Variants in CFAP20DC observed in about 807,000 individuals in gnomAD.
CFAP20DC encodes the protein protein CFAP20DC.
In CFAP20DC, 84 loss-of-function variants were observed where a neutral mutation model predicts 101.7. That is an observed-to-expected ratio of 0.83 (90% CI 0.69 to 0.99). The LOEUF is 0.99. CFAP20DC is among the 50% of genes least tolerant of loss of function. CFAP20DC has a pLI of 0.00. For missense variants in CFAP20DC, 1,007 were observed against 970.3 expected, an observed-to-expected ratio of 1.04 and a Z score of -0.50; for synonymous variants, 359 against 351.2, an observed-to-expected ratio of 1.02 and a Z score of -0.25.
intron 14 of CFAP20DC, among the ~76,000 whole-genome samples, chr3:58,813,052 T>A (rs879159569): frequency 6.6e-6 from 1 of 151,894 alleles, no homozygotes; most frequent in Admixed American, 6.6e-5. Flanking sequence ...TGTGTAAATA[T>A]AATTTCTATT....
chr3:59,034,729 C>CCACAAAATAATAGTGGGAGACTTTAACA (rs2094063812), intron 4 of CFAP20DC, among the ~76,000 whole-genome samples: 1 of 152,018 alleles, frequency 6.6e-6, no homozygotes, highest in African/African-American at 2.4e-5. Flanking sequence ...GACTTAGACT[C>CCACAAAATAATAGTGGGAGACTTTAACA]CACAAAATAA....
At chr3:58,739,083 A>G (rs180745270), downstream of CFAP20DC, among the ~76,000 whole-genome samples, 5 of 152,334 alleles carry the variant, frequency 3.3e-5, no homozygotes, top group Admixed American at 3.3e-4. Flanking sequence ...TCAAGAAAAT[A>G]TAATAGGGCA....
In CFAP20DC at chr3:59,019,518, T is replaced by C. The variant is rs909487699; in HGVS notation, c.278+20039A>G. ...TGAAAGCAGCCTAGGTCCCCCTAAA[T>C]GACCCTGCAGGACAGAGCTCCTATC... On this transcript the variant is annotated intron_variant, in intron 4 of 16. Coordinates refer to ENST00000482387, the MANE Select transcript of CFAP20DC (RefSeq NM_001394063.1). 2.0e-5 allele frequency among the ~76,000 whole-genome samples: 3 copies of C among 151,834 alleles called. No individual in the cohort carries two copies. In the Admixed American group the frequency reaches 2.0e-4, roughly 10 times the overall value.
chr3:58,806,189 T>A (rs549998931), intron 15 of CFAP20DC, among the ~76,000 whole-genome samples: 4 of 152,318 alleles, frequency 2.6e-5, no homozygotes, highest in African/African-American at 9.6e-5. Context: ...ATTCCACAGC[T>A]AGTAAAAGGT....
At chr3:58,807,311 AC>A (rs1447758175) in intron 14 of CFAP20DC, among the ~76,000 whole-genome samples, 2 of 151,856 alleles carry the variant, frequency 1.3e-5, no homozygotes, top group Non-Finnish European at 2.9e-5. Flanking sequence ...ACTGGGAGGC[AC>A]CCCCCAGTAG....
chr3:58,969,825 T>C (rs750381261), intron 4 of CFAP20DC, among the ~76,000 whole-genome samples: 5 of 152,078 alleles, frequency 3.3e-5, no homozygotes, highest in Admixed American at 6.6e-5. Context: ...GTATTTGAAA[T>C]AGGCAAATCT....
At chr3:58,817,943 C>T (rs910334136) in intron 14 of CFAP20DC, among the ~76,000 whole-genome samples, 9 of 150,340 alleles carry the variant, frequency 6.0e-5, no homozygotes, top group Non-Finnish European at 8.8e-5. Context: ...GCGGATCTCT[C>T]GGCAGAAACT....
intron 6 of CFAP20DC, among the ~76,000 whole-genome samples, chr3:58,886,033 TA>T (rs748186300): frequency 3.9e-5 from 6 of 152,154 alleles, no homozygotes; most frequent in Non-Finnish European, 8.8e-5. Flanking sequence ...TCTTTTATAG[TA>T]AATATATTAA....
Position 58,864,254 on chromosome 3 carries a change from G to A in CFAP20DC, c.1259-362C>T, listed in dbSNP as rs1384841330. On this transcript the variant is annotated intron_variant, in intron 11 of 16. Transcript: ENST00000482387. This position sits in a 1 kb window ranked among gnomAD's most constrained non-coding sequence, Gnocchi z 4.7. ...TTACAGGCATGAGCCACCGCGCCTG[G>A]CCAAAAGTGTTATTTTAGGCAGGTA... Among the ~76,000 whole-genome samples the A allele has an allele frequency of 1.3e-5, 2 of 152,180 alleles. No individual in the cohort carries two copies. Among genetic ancestry groups the A allele is most frequent in the Non-Finnish European group, 1.5e-5 (1 of 68,032 alleles).
chr3:58,878,193 C>G (rs1016832190), intron 7 of CFAP20DC, among the ~76,000 whole-genome samples: 5 of 152,066 alleles, frequency 3.3e-5, no homozygotes, highest in African/African-American at 1.2e-4. Context: ...CAGGAAGGGC[C>G]CTAGGCAATT....
Position 58,849,360 on chromosome 3 carries a change from T to A in CFAP20DC, c.1643A>T (p.Glu548Val). ...GSRGPTTGPS[E>V]LTQLTLESLL... is the part of the protein sequence containing the mutation. ...GCTCTCTAATGTTAACTGAGTTAACTCTGAAGGACCAGTTGTTGGGCCTCG... is the reference window on the plus strand; with the variant it reads ...GCTCTCTAATGTTAACTGAGTTAACACTGAAGGACCAGTTGTTGGGCCTCG... The change falls in exon 13 of 17, where the codon GAG becomes GTG. Residue 548 changes from glutamate (E) to valine (V), a missense_variant. Transcript: ENST00000482387. 6.5e-7 allele frequency: 1 copy of A among 1,535,390 alleles called. No homozygotes were observed.
chr3:58,932,573 T>C (rs1157351029), intron 5 of CFAP20DC, among the ~76,000 whole-genome samples: 9 of 152,144 alleles, frequency 5.9e-5, no homozygotes, highest in Non-Finnish European at 1.3e-4. Context: ...ACAGCTGTTC[T>C]CTCGGCAGAA....
At position 58,724,788 on chromosome 3, in the gene CFAP20DC, A is replaced by C. The variant is rs2067525867; in HGVS notation, c.198-7160T>G. 6.6e-6 allele frequency among the ~76,000 whole-genome samples: 1 copy of C among 152,032 alleles called. No individual in the cohort carries two copies. The highest frequency in any genetic ancestry group is 2.1e-4 in the South Asian group (1 of 4,818). ...TGTCTCTTCTCAATCCTTTGTCGCC[A>C]CCGGACTTCGGGTACCCTACGGGTG... On this transcript the variant is annotated intron_variant, in intron 3 of 3. Transcript: ENST00000486145. The surrounding 1 kb of genome is among the most constrained non-coding windows in gnomAD (Gnocchi z 5.6).
chr3:58,753,996 G>T (rs560597269), intron 15 of CFAP20DC, 133 bp from the exon 16 acceptor site: 29 of 605,218 alleles, frequency 4.8e-5, no homozygotes, highest in Middle Eastern at 8.6e-4. Context: ...CAGAAAGACA[G>T]ATGTCCAGAT....
At chr3:58,750,225 T>C (rs2068473087) in intron 16 of CFAP20DC, among the ~76,000 whole-genome samples, 1 of 152,210 alleles carries the variant, frequency 6.6e-6, no homozygotes, top group Admixed American at 6.5e-5. Flanking sequence ...TTGTATGGCC[T>C]GGGGCAAGTT....
At chr3:59,010,370 T>G (rs975496687) in intron 4 of CFAP20DC, among the ~76,000 whole-genome samples, 6 of 151,992 alleles carry the variant, frequency 3.9e-5, no homozygotes, top group African/African-American at 1.2e-4. Context: ...AAAGAGATAT[T>G]CCATGTAAAT....
chr3:58,889,012 T>A (rs1006718788), intron 6 of CFAP20DC, among the ~76,000 whole-genome samples: 23 of 152,150 alleles, frequency 1.5e-4, no homozygotes, highest in Middle Eastern at 3.4e-3. Context: ...CTTTTTTTTT[T>A]AATTTTAGTA....
At chr3:58,758,415 G>A (rs1449989587) in intron 15 of CFAP20DC, among the ~76,000 whole-genome samples, 8 of 151,920 alleles carry the variant, frequency 5.3e-5, no homozygotes, top group South Asian at 2.1e-4. Flanking sequence ...TTCGTGGGTT[G>A]GCTTCTTACC....
chr3:58,815,749 A>G (rs1376059242), intron 14 of CFAP20DC, among the ~76,000 whole-genome samples: 4 of 149,230 alleles, frequency 2.7e-5, no homozygotes, highest in Admixed American at 6.6e-5. Context: ...GCCAAAAAAC[A>G]CATGAAAAAA....
Sources: allele counts gnomAD v4.1 joint callset (sites outside exome capture counted in the v4.1 genomes callset), GRCh38; gene constraint gnomAD v4.1.1; non-coding constraint Gnocchi (gnomAD v3.1); transcripts MANE v1.5; gene names NCBI Gene and HGNC (gene_info 2026-07-23, HGNC 2026-07-21).